GGACT: variants seen among roughly 807,000 people sequenced by gnomAD.
GGACT encodes the protein gamma-glutamylamine cyclotransferase.
For synonymous variants in GGACT, 118 were observed against 115.3 expected (o/e 1.02, Z -0.15); for missense variants, 241 against 233.2 (o/e 1.03, Z -0.22).
At chr13:100,551,152 C>T (rs1349378419) in intron 2 of GGACT, among the ~76,000 whole-genome samples, 1 of 151,946 alleles carries the variant, frequency 6.6e-6, no homozygotes, top group Non-Finnish European at 1.5e-5. Context: ...GGTGTGGTGG[C>T]GGGCGCCTGT....
chr13:100,541,039 A>T (rs1210229796), intron 2 of GGACT, among the ~76,000 whole-genome samples: 2 of 152,226 alleles, frequency 1.3e-5, no homozygotes, highest in Admixed American at 1.3e-4. Context: ...GGTTAGAGTC[A>T]GGGTCTCAGA....
intron 2 of GGACT, among the ~76,000 whole-genome samples, chr13:100,563,448 C>T (rs1179181761): frequency 6.6e-6 from 1 of 152,182 alleles, no homozygotes; most frequent in Admixed American, 6.5e-5. Flanking sequence ...GAATCCTTCA[C>T]TTTTAAATGG....
chr13:100,576,901 G>A (rs1875263236), intron 2 of GGACT, among the ~76,000 whole-genome samples: 1 of 152,170 alleles, frequency 6.6e-6, no homozygotes, highest in Admixed American at 6.5e-5. Context: ...GTACAAACAA[G>A]TTGGTTTTAC....
intron 2 of GGACT, among the ~76,000 whole-genome samples, chr13:100,562,159 ACAGAAGT>A (rs1288206546): frequency 2.0e-5 from 3 of 152,086 alleles, no homozygotes; most frequent in Non-Finnish European, 4.4e-5. Flanking sequence ...CTGGAAGTAC[ACAGAAGT>A]TGTGAAATTT....
chr13:100,547,338 C>G (rs923048822), intron 2 of GGACT, among the ~76,000 whole-genome samples: 1 of 152,198 alleles, frequency 6.6e-6, no homozygotes, highest in African/African-American at 2.4e-5. Context: ...GACACAGGGC[C>G]CTCTGGGGAG....
At chr13:100,562,964 G>A (rs989610170) in intron 2 of GGACT, among the ~76,000 whole-genome samples, 2 of 152,032 alleles carry the variant, frequency 1.3e-5, no homozygotes, top group East Asian at 1.9e-4. Context: ...AAGTCAAAGC[G>A]TTACTTGCCT....
chr13:100,540,278 G>A (rs957450850), intron 2 of GGACT: 2 of 1,143,962 alleles, frequency 1.7e-6, no homozygotes, highest in African/African-American at 1.5e-5. Context: ...GAGAGAGTGG[G>A]CTTTTCTTTT....
intron 1 of GGACT, among the ~76,000 whole-genome samples, 199 bp from the exon 2 acceptor site, chr13:100,584,196 G>C (rs1240196837): frequency 6.6e-6 from 1 of 152,166 alleles, no homozygotes; most frequent in Non-Finnish European, 1.5e-5. Context: ...AGAATGCCTT[G>C]AATAGAGGAA....
At chr13:100,577,286 G>T (rs1217580417) in intron 2 of GGACT, among the ~76,000 whole-genome samples, 1 of 151,870 alleles carries the variant, frequency 6.6e-6, no homozygotes, top group East Asian at 1.9e-4. Context: ...CGTGGTGGTG[G>T]GTGCCTGTAA....
chr13:100,582,088 G>T (rs1455405148), intron 2 of GGACT, among the ~76,000 whole-genome samples: 1 of 152,170 alleles, frequency 6.6e-6, no homozygotes, highest in Non-Finnish European at 1.5e-5. Flanking sequence ...TCTGTCTGTT[G>T]AAATGGCTTA....
In GGACT at chr13:100,532,123, G is replaced by C; in HGVS notation, c.*7C>G. 1 of 1,432,536 alleles carries C rather than the reference G, an allele frequency of 7.0e-7. No individual in the cohort carries two copies. The highest frequency in any genetic ancestry group is 9.2e-7 in the Non-Finnish European group (1 of 1,087,388). 88.7% of individuals were successfully genotyped at this position (1,432,536 alleles called of 1,614,324 possible). ...TCTCAAACCTAGGCCCACCCTGCCC[G>C]TCCCCCTTATCTGTTCTCCCGGGGG... On this transcript the variant is annotated 3_prime_UTR_variant, in exon 3 of 3. Coordinates refer to ENST00000683975, the MANE Select transcript of GGACT (RefSeq NM_001195087.2).
intron 2 of GGACT, among the ~76,000 whole-genome samples, chr13:100,549,409 G>A (rs571308922): frequency 7.2e-5 from 11 of 152,328 alleles, no homozygotes; most frequent in Admixed American, 4.6e-4. Context: ...CCAGCACAGC[G>A]CCATTCTAAT....
intron 2 of GGACT, among the ~76,000 whole-genome samples, chr13:100,558,538 A>G (rs983935177): frequency 2.0e-5 from 3 of 152,184 alleles, no homozygotes; most frequent in Non-Finnish European, 4.4e-5. Context: ...ATGCTCATAC[A>G]TTGCTTCTGG....
At chr13:100,537,874 T>TC (rs2088512553) in intron 2 of GGACT, 1 of 152,296 alleles carries the variant, frequency 6.6e-6, no homozygotes, top group South Asian at 2.1e-4. Context: ...TTTTCACTAT[T>TC]CCGGGGATTC....
chr13:100,567,305 T>G (rs940246062), intron 2 of GGACT, among the ~76,000 whole-genome samples: 7 of 152,258 alleles, frequency 4.6e-5, no homozygotes, highest in African/African-American at 1.4e-4. Flanking sequence ...TTTATTTGTA[T>G]CTACATGGAC....
Position 100,532,354 on chromosome 13 carries a change from C to A in GGACT, c.238G>T (p.Asp80Tyr). The stretch of plus-strand genomic sequence containing the variant: ...TACAGGGCCGGGCAACTCTCGAAGT[C>A]ATCCAGAAAGCGCAGCATCCGCTCG... ...VDERMLRFLDDFESCPALYQR... is the reference protein window; with the variant it reads ...VDERMLRFLDYFESCPALYQR... Residue 80 changes from aspartate to tyrosine, a missense_variant, in exon 3 of 3, where the codon GAC (aspartate) becomes TAC (tyrosine). Coordinates refer to ENST00000683975, the MANE Select transcript of GGACT (RefSeq NM_001195087.2). 6.4e-7 allele frequency: 1 copy of A among 1,550,620 alleles called. No individual in the cohort carries two copies. Among genetic ancestry groups the A allele is most frequent in the South Asian group, 1.2e-5 (1 of 84,032 alleles).
intron 2 of GGACT, among the ~76,000 whole-genome samples, chr13:100,560,288 T>C (rs751345091): frequency 3.9e-5 from 6 of 152,216 alleles, no homozygotes; most frequent in South Asian, 2.1e-4. Flanking sequence ...CTGAATTATT[T>C]TGGGGAGAAG....
chr13:100,570,352 C>T (rs1338950381), intron 2 of GGACT, among the ~76,000 whole-genome samples: 3 of 152,038 alleles, frequency 2.0e-5, no homozygotes, highest in East Asian at 1.9e-4. Flanking sequence ...ATAATCATGG[C>T]GGAAGGGGAA....
chr13:100,566,176 C>T (rs1023851745), intron 2 of GGACT, among the ~76,000 whole-genome samples: 3 of 152,218 alleles, frequency 2.0e-5, no homozygotes, highest in Non-Finnish European at 2.9e-5. Flanking sequence ...GTCAGAATCA[C>T]ACAGCTAAGC....
Sources: allele counts gnomAD v4.1 joint callset (sites outside exome capture counted in the v4.1 genomes callset), GRCh38; gene constraint gnomAD v4.1.1; transcripts MANE v1.5; gene names NCBI Gene and HGNC (gene_info 2026-07-23, HGNC 2026-07-21).